RPUSD3: variants seen among roughly 807,000 people sequenced by gnomAD.
RPUSD3 encodes RNA pseudouridine synthase D3.
A neutral mutation model predicts 35.1 loss-of-function variants in RPUSD3; 36 were observed. The observed-to-expected ratio is 1.02, with a 90% confidence interval of 0.79 to 1.35. The LOEUF (loss-of-function observed/expected upper bound fraction) is 1.35, where lower values mean the gene tolerates loss of function less well. Ranked by LOEUF, RPUSD3 falls within the 40% of genes most tolerant of loss-of-function variation. The pLI is 0.00. For synonymous variants in RPUSD3, 202 were observed against 187.8 expected (o/e 1.08, Z -0.62); for missense variants, 486 against 441.9 (o/e 1.10, Z -0.89).
exon 8 of RPUSD3, chr3:9,839,049 T>A: frequency 6.2e-7 from 1 of 1,614,184 alleles, no homozygotes; most frequent in Non-Finnish European, 8.5e-7. Context: ...TGGGGCTTGT[T>A]GTTCTCAGCT....
At chr3:9,838,902 A>T in intron 8 of RPUSD3, 130 bp downstream of exon 8, 2 of 1,255,004 alleles carry the variant, frequency 1.6e-6, no homozygotes, top group Middle Eastern at 2.7e-4. Flanking sequence ...GTGGGTACGG[A>T]TACAGCCTTG....
At chr3:9,840,566 G>A in exon 6 of RPUSD3, 1 of 1,614,080 alleles carries the variant, frequency 6.2e-7, no homozygotes, top group Non-Finnish European at 8.5e-7. Context: ...CAGTTTCAGG[G>A]CAGCCTGGAT....
exon 4 of RPUSD3, chr3:9,842,037 C>T (rs1389405185): frequency 1.2e-6 from 2 of 1,613,348 alleles, no homozygotes; most frequent in African/African-American, 2.7e-5. Flanking sequence ...TAGGGACTGG[C>T]TCAGCTCTGG....
chr3:9,843,306 A>T, intron 2 of RPUSD3, 159 bp downstream of exon 2: 1 of 978,732 alleles, frequency 1.0e-6, no homozygotes, highest in Non-Finnish European at 1.5e-6. Flanking sequence ...CAGTAGGGTT[A>T]AAAGCGGGGA....
intron 2 of RPUSD3, 67 bp from the exon 3 acceptor site, chr3:9,842,310 T>C (rs1464867112): frequency 2.0e-6 from 3 of 1,483,390 alleles, no homozygotes; most frequent in African/African-American, 2.8e-5. Context: ...CTAAAGAGTT[T>C]CCAGAGCACT....
rs1299363033 is a variant in RPUSD3, at chr3:9,840,335, C to A, written c.601-28G>T. 3.1e-6 allele frequency: 5 copies of A among 1,614,034 alleles called. No homozygotes were observed. The African/African-American group carries it at 5.3e-5, about 17-fold the overall frequency. The stretch of plus-strand genomic sequence containing the variant: ...GTGGTGCCAGCCAAGAGTGAACAAG[C>A]CTTACACAGGTCTGGGAGCTATACC... On this transcript the variant is annotated intron_variant, in intron 6 of 8. Coordinates refer to ENST00000383820, the Ensembl canonical transcript of RPUSD3.
At chr3:9,843,424 C>G in intron 2 of RPUSD3, 41 bp downstream of exon 2, 2 of 1,609,772 alleles carry the variant, frequency 1.2e-6, no homozygotes, top group Non-Finnish European at 1.7e-6. Flanking sequence ...CCGAGGCAGT[C>G]CCCTCCCGGT....
chr3:9,840,940 A>C, intron 4 of RPUSD3, 135 bp from the exon 5 acceptor site: 1 of 593,402 alleles, frequency 1.7e-6, no homozygotes, highest in Non-Finnish European at 3.0e-6. Context: ...CTCCTGAGAA[A>C]CAAGTAAGGT....
chr3:9,841,937 A>G lies in RPUSD3; in HGVS notation c.407+46T>C, dbSNP rs1397606782. 4.6e-6 allele frequency: 7 copies of G among 1,509,602 alleles called. No individual in the cohort carries two copies. In the African/African-American group the frequency reaches 8.3e-5, roughly 18 times the overall value. The allele number at this position is 1,509,602 out of a possible 1,614,324, so 93.5% of individuals were successfully genotyped here. A position where few individuals can be genotyped will look rare whatever the true frequency, so the allele number is the denominator to read the frequency against. On this transcript the variant is annotated intron_variant, in intron 4 of 8. Coordinates refer to ENST00000383820, the Ensembl canonical transcript of RPUSD3. ...CCCCAAGCAGCTGTTTCCCCACCAC[A>G]GATGGATGCCTGTACTCCTAGCTTC... is the stretch of plus-strand genomic sequence containing the variant.
chr3:9,843,966 G>A lies in RPUSD3; in HGVS notation c.49C>T (p.Arg17Trp), dbSNP rs141833886. The A allele has an allele frequency of 6.7e-5, 108 of 1,608,252 alleles. No homozygotes were observed. In the African/African-American group the frequency reaches 1.3e-3, roughly 19 times the overall value. Residue 17 changes from arginine (R) to tryptophan (W), a missense_variant, in exon 1 of 9, where the codon CGG becomes TGG. Coordinates refer to ENST00000383820, the Ensembl canonical transcript of RPUSD3. ...CCCCGCCGCCAGCCACTCCAGAACC[G>A]GCCCAAAACACGGCGGCCGTCCATC...
intron 2 of RPUSD3, 96 bp from the exon 3 acceptor site, chr3:9,842,339 CAT>C (rs1251172825): frequency 7.7e-6 from 9 of 1,174,186 alleles, no homozygotes; most frequent in South Asian, 1.2e-5. Context: ...CATCTTAGCA[CAT>C]GTCCCCATCA....
At chr3:9,840,637 G>C (rs779384873) in intron 5 of RPUSD3, 21 bp from the exon 6 acceptor site, 5 of 1,612,692 alleles carry the variant, frequency 3.1e-6, no homozygotes, top group East Asian at 2.2e-5. Context: ...GGCAGGAGGA[G>C]GTCACAGGGT....
intron 8 of RPUSD3, 121 bp from the exon 9 acceptor site, chr3:9,838,328 T>C (rs930083207): frequency 1.4e-5 from 13 of 918,350 alleles, no homozygotes; most frequent in Admixed American, 5.0e-5. Flanking sequence ...CTGCAACTGT[T>C]AATCATTTCC....
At chr3:9,838,458 C>T (rs183272474) in intron 8 of RPUSD3, among the ~76,000 whole-genome samples, 12 of 152,330 alleles carry the variant, frequency 7.9e-5, no homozygotes, top group Admixed American at 5.2e-4. Flanking sequence ...CCAGCCCTCT[C>T]ACAGCTTGGT....
chr3:9,843,936 C>G lies in RPUSD3; in HGVS notation c.79G>C (p.Gly27Arg), dbSNP rs764460250. Residue 27 changes from glycine (G) to arginine (R), a missense_variant, in exon 1 of 9, where the codon GGT becomes CGT. Coordinates refer to ENST00000383820, the Ensembl canonical transcript of RPUSD3. ...GCGTCCTCGGGCACTGGGCGGACACCCAGGCCCCGCCGCCAGCCACTCCAG... is the reference window on the plus strand; with the variant it reads ...GCGTCCTCGGGCACTGGGCGGACACGCAGGCCCCGCCGCCAGCCACTCCAG... The G allele has an allele frequency of 6.2e-6, 10 of 1,600,896 alleles. No individual in the cohort carries two copies. In the East Asian group the frequency reaches 1.1e-4, roughly 18 times the overall value.
chr3:9,838,959 G>A (rs1043997666), intron 8 of RPUSD3, 73 bp downstream of exon 8: 1 of 1,605,068 alleles, frequency 6.2e-7, no homozygotes, highest in African/African-American at 1.3e-5. Context: ...GCACAGATAA[G>A]GTCTGGAGAT....
chr3:9,840,975 A>G (rs1251935246), intron 4 of RPUSD3, 170 bp from the exon 5 acceptor site: 5 of 498,202 alleles, frequency 1.0e-5, no homozygotes, highest in Non-Finnish European at 1.8e-5. Context: ...TAACAAGACT[A>G]TGTAGCTTAA....
chr3:9,840,097 G>A, intron 7 of RPUSD3, 87 bp downstream of exon 7: 1 of 1,527,496 alleles, frequency 6.5e-7, no homozygotes, highest in Non-Finnish European at 8.9e-7. Flanking sequence ...GGCCAGACTG[G>A]TCTTGAACTC....
intron 8 of RPUSD3, among the ~76,000 whole-genome samples, chr3:9,838,811 C>T (rs1188223971): frequency 1.3e-5 from 2 of 152,216 alleles, no homozygotes; most frequent in Non-Finnish European, 2.9e-5. Context: ...AAATTAGCCA[C>T]ATCAACTCCC....
Sources: gnomAD v4.1 joint callset for allele counts (sites outside exome capture counted in the v4.1 genomes callset) on GRCh38, gnomAD v4.1.1 for gene constraint, MANE v1.5 for transcripts, NCBI Gene and HGNC (gene_info 2026-07-23, HGNC 2026-07-21) for gene names.